ELL: variants seen among roughly 807,000 people sequenced by gnomAD.
ELL encodes the protein elongation factor for RNA polymerase II.
ELL carries 18 observed loss-of-function variants against 64.0 expected under a neutral mutation model. The observed-to-expected ratio is 0.28, with a 90% confidence interval of 0.19 to 0.42. The LOEUF (loss-of-function observed/expected upper bound fraction) is 0.42, where lower values mean the gene tolerates loss of function less well. Ranked by LOEUF, ELL falls within the 10% of genes least tolerant of loss-of-function variation. The pLI is 1.00. For synonymous variants in ELL, 399 were observed against 376.2 expected, an observed-to-expected ratio of 1.06 and a Z score of -0.70; for missense variants, 797 against 870.4, an observed-to-expected ratio of 0.92 and a Z score of 1.06.
intron 1 of ELL, among the ~76,000 whole-genome samples, chr19:18,496,051 A>G (rs1975646055): frequency 1.3e-5 from 2 of 152,284 alleles, no homozygotes; most frequent in South Asian, 4.1e-4. Flanking sequence ...GTGGAGATGC[A>G]GGCACAGTGC....
chr19:18,518,787 T>C (rs4303657), intron 1 of ELL, among the ~76,000 whole-genome samples: 44,268 of 150,236 alleles, frequency 0.29, 7,832 homozygotes, highest in African/African-American at 0.5. Context: ...CAAGACCCTG[T>C]CTCAAAAAAA....
Position 18,477,991 on chromosome 19 carries a change from G to A in ELL, c.136-5109C>T, listed in dbSNP as rs991863472. ...GGGGGGATGAGAAAAAACACAGAAA[G>A]CAGCTGGGGTGCAGTGCCCTGACAA... On this transcript the variant is annotated intron_variant, in intron 1 of 11. Transcript: ENST00000262809. 7.2e-5 allele frequency among the ~76,000 whole-genome samples: 11 copies of A among 152,270 alleles called. No homozygotes were observed. In the East Asian group the frequency reaches 1.4e-3, roughly 19 times the overall value.
At chr19:18,451,021 GAGC>G in intron 7 of ELL, 46 bp from the exon 8 acceptor site, 1 of 1,482,146 alleles carries the variant, frequency 6.7e-7, no homozygotes, top group African/African-American at 1.4e-5. Context: ...CAGAGTGGCT[GAGC>G]AGCAACAGGC....
chr19:18,482,690 T>A lies in ELL; in HGVS notation c.136-9808A>T, dbSNP rs79581369. The stretch of plus-strand genomic sequence containing the variant: ...ACAGAAGTTCTTAATTTTGATGGAG[T>A]GGAATTTTTCAATTTTTTTCTTTTA... On this transcript the variant is annotated intron_variant, in intron 1 of 11. Coordinates refer to ENST00000262809, the MANE Select transcript of ELL (RefSeq NM_006532.4). 1.4e-3 allele frequency among the ~76,000 whole-genome samples: 218 copies of A among 152,144 alleles called. 2 individuals are homozygous for A. Among genetic ancestry groups the A allele is most frequent in the African/African-American group, 4.7e-3 (197 of 41,506 alleles).
At chr19:18,446,961 G>A in intron 8 of ELL, 147 bp from the exon 9 acceptor site, 1 of 916,166 alleles carries the variant, frequency 1.1e-6, no homozygotes, top group Non-Finnish European at 1.7e-6. Flanking sequence ...TGTGTGGCAG[G>A]TGCAAGGGCT....
chr19:18,490,573 C>T lies in ELL; in HGVS notation c.136-17691G>A, dbSNP rs576201288. On this transcript the variant is annotated intron_variant, in intron 1 of 11. Coordinates refer to ENST00000262809, the MANE Select transcript of ELL (RefSeq NM_006532.4). ...TTCAATGTTTTTGGGTAACATAGACCCCTCCTCACTTTCTTCATCAGAGTG... is the reference window on the plus strand; with the variant it reads ...TTCAATGTTTTTGGGTAACATAGACTCCTCCTCACTTTCTTCATCAGAGTG... Among the ~76,000 whole-genome samples, 3 of 152,222 alleles carry T rather than the reference C, an allele frequency of 2.0e-5. No individual in the cohort carries two copies. The South Asian group carries it at 6.2e-4, about 32-fold the overall frequency.
intron 4 of ELL, among the ~76,000 whole-genome samples, chr19:18,464,998 G>A (rs58723610): frequency 0.026 from 3,937 of 152,300 alleles, 108 homozygotes; most frequent in African/African-American, 0.071. Context: ...GTGAGGGTGG[G>A]GGCAGCCTCC....
intron 6 of ELL, among the ~76,000 whole-genome samples, chr19:18,455,890 G>A (rs974414535): frequency 3.3e-5 from 5 of 152,210 alleles, no homozygotes; most frequent in African/African-American, 9.6e-5. Context: ...CCTGAGATCC[G>A]GAGTTTGAGA....
At chr19:18,505,257 C>T (rs933975849) in intron 1 of ELL, among the ~76,000 whole-genome samples, 1 of 152,218 alleles carries the variant, frequency 6.6e-6, no homozygotes, top group African/African-American at 2.4e-5. Flanking sequence ...GCTCACCCAA[C>T]AGCAAATGCA....
At chr19:18,465,316 G>C in intron 4 of ELL, 96 bp downstream of exon 4, 2 of 1,468,422 alleles carry the variant, frequency 1.4e-6, no homozygotes, top group Non-Finnish European at 1.8e-6. Flanking sequence ...TTTCTGTGCA[G>C]GGCACAGCCA....
At chr19:18,479,384 T>C (rs1362841408) in intron 1 of ELL, among the ~76,000 whole-genome samples, 1 of 152,196 alleles carries the variant, frequency 6.6e-6, no homozygotes, top group Middle Eastern at 3.4e-3. Context: ...ATATAAAATA[T>C]AAATGGAAAA....
At chr19:18,484,658 A>C (rs1975374226) in intron 1 of ELL, among the ~76,000 whole-genome samples, 1 of 152,004 alleles carries the variant, frequency 6.6e-6, no homozygotes, top group Non-Finnish European at 1.5e-5. Context: ...AACAAAACAA[A>C]ACATAACAAA....
intron 2 of ELL, chr19:18,471,122 T>C (rs753432636): frequency 2.0e-5 from 8 of 391,526 alleles, no homozygotes; most frequent in South Asian, 1.3e-4. Flanking sequence ...CCTGTAATTC[T>C]AGCACTTTGG....
At chr19:18,500,825 G>A (rs1568396149) in intron 1 of ELL, among the ~76,000 whole-genome samples, 1 of 152,132 alleles carries the variant, frequency 6.6e-6, no homozygotes, top group Non-Finnish European at 1.5e-5. Context: ...ACGTCACTGA[G>A]GTACACTGAA....
intron 11 of ELL, 118 bp downstream of exon 11, chr19:18,445,106 C>T: frequency 6.9e-7 from 1 of 1,444,320 alleles, no homozygotes; most frequent in Non-Finnish European, 9.7e-7. Flanking sequence ...GCCTCAGACT[C>T]AAAGGCTCTT....
chr19:18,476,828 C>T (rs1311982933), intron 1 of ELL, among the ~76,000 whole-genome samples: 4 of 152,078 alleles, frequency 2.6e-5, no homozygotes, highest in African/African-American at 4.8e-5. Context: ...CCTAACATCA[C>T]GCACGCATGA....
intron 1 of ELL, among the ~76,000 whole-genome samples, chr19:18,517,547 G>C (rs1036023216): frequency 2.0e-5 from 3 of 151,786 alleles, no homozygotes; most frequent in Admixed American, 2.0e-4. Context: ...CACCACGCCC[G>C]GCCATCCCAT....
intron 1 of ELL, among the ~76,000 whole-genome samples, chr19:18,482,447 T>C (rs544380566): frequency 2.0e-5 from 3 of 151,104 alleles, no homozygotes; most frequent in African/African-American, 7.3e-5. Flanking sequence ...CCTCTGCCTC[T>C]GCCTCTGCCT....
At chr19:18,512,699 T>C (rs533149447) in intron 1 of ELL, among the ~76,000 whole-genome samples, 1 of 152,326 alleles carries the variant, frequency 6.6e-6, no homozygotes, top group East Asian at 1.9e-4. Context: ...GGGATCATTT[T>C]TTGGGTCAAC....
Sources: allele counts gnomAD v4.1 joint callset (sites outside exome capture counted in the v4.1 genomes callset), GRCh38; gene constraint gnomAD v4.1.1; transcripts MANE v1.5; gene names NCBI Gene and HGNC (gene_info 2026-07-23, HGNC 2026-07-21).